The following RNF8 variants were observed in gnomAD, a reference collection of about 807,000 sequenced individuals.
RNF8 encodes the protein E3 ubiquitin-protein ligase RNF8.
RNF8 carries 8 observed loss-of-function variants against 59.3 expected under a neutral mutation model. The ratio of observed to expected loss-of-function variants is 0.13; its 90% CI spans 0.08 to 0.24. RNF8 has a LOEUF of 0.24. Among genes scored for constraint, RNF8 ranks in the 10% least tolerant of loss-of-function variants. The pLI is 1.00. For missense variants in RNF8, 406 were observed against 572.6 expected, an observed-to-expected ratio of 0.71 and a Z score of 2.97; for synonymous variants, 162 against 200.0, an observed-to-expected ratio of 0.81 and a Z score of 1.60.
At chr6:37,359,583 C>T (rs954196849) in intron 1 of RNF8, among the ~76,000 whole-genome samples, 9 of 152,166 alleles carry the variant, frequency 5.9e-5, no homozygotes, top group African/African-American at 9.7e-5. Context: ...TAAGGTCCTG[C>T]GCTTGAATCC....
intron 2 of RNF8, 31 bp from the exon 3 acceptor site, chr6:37,368,449 TGAAG>T: frequency 6.2e-7 from 1 of 1,614,116 alleles, no homozygotes; most frequent in East Asian, 2.2e-5. Context: ...ACGAAAATCA[TGAAG>T]CTTATTTCTT....
At chr6:37,385,091 A>G (rs1770438946) in intron 7 of RNF8, among the ~76,000 whole-genome samples, 1 of 150,986 alleles carries the variant, frequency 6.6e-6, no homozygotes, top group African/African-American at 2.4e-5. Flanking sequence ...TCGGCTTACC[A>G]CAACCTCCGC....
chr6:37,362,307 A>G (rs1483244718), intron 2 of RNF8, among the ~76,000 whole-genome samples: 1 of 152,166 alleles, frequency 6.6e-6, no homozygotes, highest in Non-Finnish European at 1.5e-5. Flanking sequence ...TTTGAATTTC[A>G]ACCACAGGGA....
chr6:37,366,204 C>T (rs1403874876), intron 2 of RNF8, among the ~76,000 whole-genome samples: 1 of 152,168 alleles, frequency 6.6e-6, no homozygotes, highest in Non-Finnish European at 1.5e-5. Flanking sequence ...TGGGCTGTTT[C>T]TGTAATCTTA....
chr6:37,382,584 T>G (rs2113832179), intron 7 of RNF8, among the ~76,000 whole-genome samples: 1 of 152,144 alleles, frequency 6.6e-6, no homozygotes, highest in South Asian at 2.1e-4. Flanking sequence ...GGGACGGGGT[T>G]GGGGGGTGGA....
rs35985063 is a variant in RNF8 at position 37,377,061 on chromosome 6, C to CTTTT, written c.1236+53_1236+56dup. ...AATTATGAACAGTTGCTCACCCCTT[C>CTTTT]TTTTTTTTTTTTTTTTTTTTTTTTT... On this transcript the variant is annotated intron_variant, in intron 6 of 7. Coordinates refer to ENST00000373479, the MANE Select transcript of RNF8 (RefSeq NM_003958.4). The CTTTT allele has an allele frequency of 3.7e-3, 959 of 257,798 alleles. 4 individuals are homozygous for CTTTT. Among genetic ancestry groups the CTTTT allele is most frequent in the South Asian group, 5.2e-3 (171 of 32,920 alleles). The allele number at this position is 257,798 out of a possible 1,614,324, so 16.0% of individuals were successfully genotyped here. A position where few individuals can be genotyped will look rare whatever the true frequency, so the allele number is the denominator to read the frequency against.
chr6:37,362,142 AGAG>A (rs1189526915), intron 2 of RNF8, among the ~76,000 whole-genome samples: 2 of 152,224 alleles, frequency 1.3e-5, no homozygotes, highest in Admixed American at 1.3e-4. Flanking sequence ...TTTCCTCATC[AGAG>A]TAGGCTGTAT....
intron 3 of RNF8, 38 bp downstream of exon 3, chr6:37,369,256 G>C (rs1214270961): frequency 6.5e-7 from 1 of 1,538,582 alleles, no homozygotes; most frequent in Admixed American, 2.2e-5. Context: ...TGGTCTTCAG[G>C]GGTGGGGCAG....
intron 4 of RNF8, among the ~76,000 whole-genome samples, chr6:37,372,271 T>C (rs995798041): frequency 6.6e-6 from 1 of 152,152 alleles, no homozygotes; most frequent in East Asian, 1.9e-4. Context: ...GCAAATCACA[T>C]AGGAATTTGT....
chr6:37,390,276 G>A (rs776861258), intron 7 of RNF8, among the ~76,000 whole-genome samples: 2 of 151,858 alleles, frequency 1.3e-5, no homozygotes, highest in Non-Finnish European at 2.9e-5. Context: ...AGCAAGAAGG[G>A]GAGAAGGGGT....
At chr6:37,365,466 C>T (rs1419747373) in intron 2 of RNF8, among the ~76,000 whole-genome samples, 1 of 152,208 alleles carries the variant, frequency 6.6e-6, no homozygotes, top group Non-Finnish European at 1.5e-5. Flanking sequence ...GAGGGTGAAA[C>T]CTAGGCACTG....
At chr6:37,370,254 C>A (rs1238451533) in intron 3 of RNF8, 3 of 152,168 alleles carry the variant, frequency 2.0e-5, no homozygotes, top group Non-Finnish European at 4.4e-5. Flanking sequence ...TAGCAAAGGC[C>A]ATGGATTAAA....
intron 6 of RNF8, 28 bp downstream of exon 6, chr6:37,377,061 CTTTTTTTTTT>C (rs35985063): frequency 0.028 from 7,186 of 257,560 alleles, 117 homozygotes; most frequent in East Asian, 0.15. Context: ...CTCACCCCTT[CTTTTTTTTTT>C]TTTTTTTTTT....
chr6:37,379,221 G>C (rs954842034), intron 6 of RNF8, among the ~76,000 whole-genome samples: 3 of 151,940 alleles, frequency 2.0e-5, no homozygotes, highest in African/African-American at 7.3e-5. Context: ...TCATCATGTT[G>C]GCCAGGCTGG....
chr6:37,385,852 G>T (rs1581698823), intron 7 of RNF8, among the ~76,000 whole-genome samples: 9 of 140,976 alleles, frequency 6.4e-5, no homozygotes, highest in African/African-American at 8.2e-5. Flanking sequence ...TCTTTCCTTT[G>T]TCATTTTTTT....
At chr6:37,363,742 A>G (rs1769422009) in intron 2 of RNF8, among the ~76,000 whole-genome samples, 1 of 152,212 alleles carries the variant, frequency 6.6e-6, no homozygotes, top group Admixed American at 6.6e-5. Context: ...TTGACACAGT[A>G]TTTTCACTCC....
At chr6:37,358,930 C>G (rs1769215015) in intron 1 of RNF8, among the ~76,000 whole-genome samples, 1 of 152,044 alleles carries the variant, frequency 6.6e-6, no homozygotes, top group African/African-American at 2.4e-5. Flanking sequence ...AACCCCGTCT[C>G]TACTAAAAAT....
chr6:37,356,474 G>T (rs1356070400), intron 1 of RNF8, among the ~76,000 whole-genome samples: 1 of 152,142 alleles, frequency 6.6e-6, no homozygotes, highest in Non-Finnish European at 1.5e-5. Context: ...ATAAAACAGG[G>T]TTCCTTTCAT....
chr6:37,368,269 C>T, intron 2 of RNF8: 1 of 1,025,616 alleles, frequency 9.8e-7, no homozygotes, highest in Middle Eastern at 2.8e-4. Flanking sequence ...TGGCAGTTCT[C>T]TGTGGAGGCA....
Sources: gnomAD v4.1 joint callset for allele counts (sites outside exome capture counted in the v4.1 genomes callset) on GRCh38, gnomAD v4.1.1 for gene constraint, MANE v1.5 for transcripts, NCBI Gene and HGNC (gene_info 2026-07-23, HGNC 2026-07-21) for gene names.